Variants in LITAF observed in about 807,000 individuals in gnomAD.
LITAF encodes lipopolysaccharide induced TNF factor.
LITAF carries 9 observed loss-of-function variants against 14.5 expected under a neutral mutation model. The ratio of observed to expected loss-of-function variants is 0.62; its 90% CI spans 0.37 to 1.08. LITAF has a LOEUF of 1.08. LITAF is among the 50% of genes least tolerant of loss of function. LITAF has a pLI of 0.01. For missense variants in LITAF, 206 were observed against 213.4 expected (o/e 0.97, Z 0.22); for synonymous variants, 98 against 88.2 (o/e 1.11, Z -0.62).
At chr16:11,614,961 C>T (rs577397740) in intron 3 of LITAF, among the ~76,000 whole-genome samples, 1 of 152,294 alleles carries the variant, frequency 6.6e-6, no homozygotes, top group African/African-American at 2.4e-5. Context: ...CCCTGTGGCC[C>T]GCTGTCAGAT....
At chr16:11,629,644 C>A (rs1049309682) in intron 3 of LITAF, among the ~76,000 whole-genome samples, 3 of 152,118 alleles carry the variant, frequency 2.0e-5, no homozygotes, top group Non-Finnish European at 4.4e-5. Flanking sequence ...TGCACACCTG[C>A]TTTTGGGGAA....
intron 3 of LITAF, among the ~76,000 whole-genome samples, chr16:11,607,665 AG>A (rs1490245698): frequency 6.6e-6 from 1 of 152,170 alleles, no homozygotes; most frequent in Non-Finnish European, 1.5e-5. Context: ...GAAAAAGGCA[AG>A]GGTTGTGAAT....
chr16:11,608,282 T>C (rs1334890682), intron 3 of LITAF, among the ~76,000 whole-genome samples: 2 of 152,150 alleles, frequency 1.3e-5, no homozygotes, highest in African/African-American at 2.4e-5. Context: ...TCCCTCGTTA[T>C]GGTGAGAAGA....
intron 3 of LITAF, among the ~76,000 whole-genome samples, chr16:11,607,932 C>T (rs2064962929): frequency 1.3e-5 from 2 of 152,194 alleles, no homozygotes; most frequent in African/African-American, 4.8e-5. Context: ...TCTCCTAGGA[C>T]CAAATTCCCT....
chr16:11,571,960 G>A (rs560719723), intron 1 of LITAF, among the ~76,000 whole-genome samples: 97 of 151,832 alleles, frequency 6.4e-4, no homozygotes, highest in Non-Finnish European at 9.9e-4. Flanking sequence ...GTGGTGGTGC[G>A]CACCTGTAGT....
rs368796321 is a variant in LITAF, at chr16:11,548,419, A to G, written c.*1218T>C. On this transcript the variant is annotated 3_prime_UTR_variant, in exon 4 of 4. Coordinates refer to ENST00000622633, the MANE Select transcript of LITAF (RefSeq NM_001136472.2). ...TCTGAAACAGTTCTGGTTCCCAAGCATCCGCACCATGGTACCCAGACATGC... is the reference window on the plus strand; with the variant it reads ...TCTGAAACAGTTCTGGTTCCCAAGCGTCCGCACCATGGTACCCAGACATGC... 2 of 453,978 alleles carry G rather than the reference A, an allele frequency of 4.4e-6. No individual in the cohort carries two copies. Among genetic ancestry groups the G allele is most frequent in the African/African-American group, 2.0e-5 (1 of 50,078 alleles). 28.1% of individuals were successfully genotyped at this position (453,978 alleles called of 1,614,324 possible). A position where few individuals can be genotyped will look rare whatever the true frequency, so the allele number is the denominator to read the frequency against.
At chr16:11,592,968 A>T (rs1347960951) in intron 1 of LITAF, among the ~76,000 whole-genome samples, 2 of 152,138 alleles carry the variant, frequency 1.3e-5, no homozygotes, top group African/African-American at 4.8e-5. Flanking sequence ...CAGGAGATCG[A>T]GACCATCCTG....
At chr16:11,607,548 A>G (rs1364535740) in intron 3 of LITAF, among the ~76,000 whole-genome samples, 1 of 151,842 alleles carries the variant, frequency 6.6e-6, no homozygotes, top group East Asian at 1.9e-4. Context: ...CATTCGGGAA[A>G]AAAAAAAAAA....
At position 11,549,851 on chromosome 16, in the gene LITAF, A is replaced by G. The variant is rs1308468302; in HGVS notation, c.378-106T>C. 1.1e-6 allele frequency: 1 copy of G among 893,796 alleles called. No individual in the cohort carries two copies. Among genetic ancestry groups the G allele is most frequent in the South Asian group, 1.4e-5 (1 of 70,510 alleles). 55.4% of individuals were successfully genotyped at this position (893,796 alleles called of 1,614,324 possible). A position where few individuals can be genotyped will look rare whatever the true frequency, so the allele number is the denominator to read the frequency against. On this transcript the variant is annotated intron_variant, in intron 3 of 3. Transcript: ENST00000622633. The surrounding 1 kb of genome is among the most constrained non-coding windows in gnomAD (Gnocchi z 4.6). ...CTTCTTTGTAAAAAGGGTCTTTGCCAGTATAATTAGGAATTTTGAGATGGG... is the reference window on the plus strand; with the variant it reads ...CTTCTTTGTAAAAAGGGTCTTTGCCGGTATAATTAGGAATTTTGAGATGGG...
At chr16:11,575,512 C>G (rs2141811910) in intron 1 of LITAF, 1 of 152,312 alleles carries the variant, frequency 6.6e-6, no homozygotes, top group African/African-American at 2.4e-5. Context: ...TTATGGGGGA[C>G]CCCACCAAAG....
chr16:11,617,991 C>T (rs1290520988), intron 3 of LITAF, among the ~76,000 whole-genome samples: 1 of 152,090 alleles, frequency 6.6e-6, no homozygotes, highest in East Asian at 1.9e-4. Context: ...CCACCTCAGC[C>T]TCCCAAGCAG....
intron 1 of LITAF, among the ~76,000 whole-genome samples, chr16:11,570,346 T>G (rs2064522664): frequency 6.6e-6 from 1 of 152,034 alleles, no homozygotes; most frequent in South Asian, 2.1e-4. Context: ...GGGGTGACTT[T>G]CCCACAGTCA....
At chr16:11,572,558 G>C (rs1019157679) in intron 1 of LITAF, among the ~76,000 whole-genome samples, 15 of 152,176 alleles carry the variant, frequency 9.9e-5, no homozygotes, top group African/African-American at 3.4e-4. Context: ...GATGAGGTGA[G>C]AAGGGCCTCT....
intron 3 of LITAF, among the ~76,000 whole-genome samples, chr16:11,615,616 C>G (rs111736890): frequency 6.6e-6 from 1 of 152,014 alleles, no homozygotes; most frequent in African/African-American, 2.4e-5. Context: ...TGCAGTGAAC[C>G]GAGATTGCAC....
At chr16:11,578,138 A>G (rs1237844742) in intron 1 of LITAF, among the ~76,000 whole-genome samples, 1 of 152,002 alleles carries the variant, frequency 6.6e-6, no homozygotes, top group African/African-American at 2.4e-5. Flanking sequence ...GGTTCAAGTA[A>G]TCCACCCGCC....
chr16:11,622,862 G>A (rs528627057), intron 3 of LITAF, among the ~76,000 whole-genome samples: 1 of 151,734 alleles, frequency 6.6e-6, no homozygotes, highest in East Asian at 1.9e-4. Context: ...ACCTTTCATG[G>A]GCCTCTGTGA....
chr16:11,593,998 G>A (rs894298300), intron 1 of LITAF, among the ~76,000 whole-genome samples: 1 of 152,002 alleles, frequency 6.6e-6, no homozygotes, highest in African/African-American at 2.4e-5. Context: ...GTACCATGGT[G>A]AAACTCTGTC....
At position 11,628,448 on chromosome 16, in the gene LITAF, C is replaced by T. The variant is rs377743440; in HGVS notation, c.85+5085G>A. Among the ~76,000 whole-genome samples, 13 of 152,270 alleles carry T rather than the reference C, an allele frequency of 8.5e-5. No homozygotes were observed. In the South Asian group the frequency reaches 1.2e-3, roughly 15 times the overall value. Reference sequence around the variant, plus strand: ...AGACATCCGGAGATCTTGCTTTTACCGAAAGTATCCAATGAAAGGGAAAAA... The same window carrying T: ...AGACATCCGGAGATCTTGCTTTTACTGAAAGTATCCAATGAAAGGGAAAAA... On this transcript the variant is annotated intron_variant, in intron 3 of 3. Coordinates refer to the LITAF transcript ENST00000574848.
intron 3 of LITAF, among the ~76,000 whole-genome samples, chr16:11,633,066 C>T (rs1009330241): frequency 1.1e-4 from 16 of 152,182 alleles, no homozygotes; most frequent in African/African-American, 3.9e-4. Context: ...TCTCTAGCCC[C>T]GTCACCCCTG....
Sources: gnomAD v4.1 joint callset for allele counts (sites outside exome capture counted in the v4.1 genomes callset) on GRCh38, gnomAD v4.1.1 for gene constraint, Gnocchi (gnomAD v3.1) non-coding constraint, MANE v1.5 for transcripts, NCBI Gene and HGNC (gene_info 2026-07-23, HGNC 2026-07-21) for gene names.